SGCD: variants seen among roughly 807,000 people sequenced by gnomAD.
SGCD encodes delta-sarcoglycan.
Under a neutral mutation model 36.6 loss-of-function variants are expected in SGCD, and 18 were observed. That is an observed-to-expected ratio of 0.49 (90% CI 0.34 to 0.73). The LOEUF (loss-of-function observed/expected upper bound fraction) is 0.73, where lower values mean the gene tolerates loss of function less well. SGCD is among the 30% of genes least tolerant of loss of function. The pLI is 0.01. For synonymous variants in SGCD, 133 were observed against 130.6 expected (o/e 1.02, Z -0.12); for missense variants, 387 against 346.7 (o/e 1.12, Z -0.92).
At chr5:156,330,336 G>A (rs1457109540) in intron 2 of SGCD, among the ~76,000 whole-genome samples, 2 of 152,152 alleles carry the variant, frequency 1.3e-5, no homozygotes, top group Non-Finnish European at 2.9e-5. Context: ...GGTACTGGGG[G>A]CAGAAGTGGG....
At chr5:155,740,180 C>T in the SGCD span, among the ~76,000 whole-genome samples, 1 of 152,178 alleles carries the variant, frequency 6.6e-6, no homozygotes, top group Non-Finnish European at 1.5e-5. Context: ...CTCACTGCAA[C>T]CTCGACCTCC....
chr5:156,196,024 A>T (rs1764017919), intron 3 of SGCD, among the ~76,000 whole-genome samples: 1 of 152,082 alleles, frequency 6.6e-6, no homozygotes, highest in African/African-American at 2.4e-5. Context: ...GCATCATCCA[A>T]GGAGGGCCCC....
At chr5:156,410,639 C>T (rs956568799) in intron 3 of SGCD, among the ~76,000 whole-genome samples, 7 of 152,182 alleles carry the variant, frequency 4.6e-5, no homozygotes, top group African/African-American at 1.4e-4. Flanking sequence ...TAGATGGTAA[C>T]AGTTGGTATT....
At chr5:156,231,462 G>A (rs1447079697) in intron 3 of SGCD, among the ~76,000 whole-genome samples, 1 of 152,160 alleles carries the variant, frequency 6.6e-6, no homozygotes, top group Non-Finnish European at 1.5e-5. Flanking sequence ...CTTGATCCTG[G>A]AAGGCGGAGG....
At chr5:156,288,612 A>G (rs1319896189) in intron 3 of SGCD, among the ~76,000 whole-genome samples, 1 of 152,186 alleles carries the variant, frequency 6.6e-6, no homozygotes, top group African/African-American at 2.4e-5. Flanking sequence ...TCAGTGTGTT[A>G]GTGGTTTCAT....
At chr5:156,618,753 G>A (rs1398918599) in intron 6 of SGCD, among the ~76,000 whole-genome samples, 1 of 152,072 alleles carries the variant, frequency 6.6e-6, no homozygotes, top group Non-Finnish European at 1.5e-5. Context: ...GAAGGAAAAG[G>A]CATTTGTTGG....
At chr5:155,728,810 C>T in the SGCD span, among the ~76,000 whole-genome samples, 1 of 152,206 alleles carries the variant, frequency 6.6e-6, no homozygotes, top group Non-Finnish European at 1.5e-5. Flanking sequence ...GCGCCCCCAC[C>T]CGGGCGGCGC....
At chr5:155,802,058 G>C in the SGCD span, among the ~76,000 whole-genome samples, 139 of 152,268 alleles carry the variant, frequency 9.1e-4, no homozygotes, top group African/African-American at 3.2e-3. Flanking sequence ...ATAGCTGATA[G>C]GATCAAAAGT....
intron 3 of SGCD, among the ~76,000 whole-genome samples, chr5:156,436,233 G>C (rs1264016115): frequency 1.3e-5 from 2 of 152,102 alleles, no homozygotes; most frequent in Admixed American, 1.3e-4. Context: ...GGTGTAAAAT[G>C]GATTTTGGTC....
At position 155,941,249 on chromosome 5, in the gene SGCD, C is replaced by T. The variant is rs141242726; in HGVS notation, c.-282+70825C>T. Reference sequence around the variant, plus strand: ...CACAGCCCTCATAACCTAACCACATCTTATTATGCCTGATCTCCCACACTG... The same window carrying T: ...CACAGCCCTCATAACCTAACCACATTTTATTATGCCTGATCTCCCACACTG... On this transcript the variant is annotated intron_variant, in intron 1 of 9. Transcript: ENST00000517913. Among the ~76,000 whole-genome samples the T allele has an allele frequency of 3.9e-4, 60 of 152,310 alleles. 1 individual carries two copies. The East Asian group carries it at 0.011, about 28-fold the overall frequency.
intron 3 of SGCD, among the ~76,000 whole-genome samples, chr5:156,404,352 A>G (rs983686974): frequency 2.0e-5 from 3 of 152,332 alleles, no homozygotes; most frequent in South Asian, 2.1e-4. Flanking sequence ...TTAGAGAGAA[A>G]TGCAGATTCT....
intron 4 of SGCD, among the ~76,000 whole-genome samples, chr5:156,539,128 A>C (rs994016151): frequency 6.6e-6 from 1 of 152,040 alleles, no homozygotes; most frequent in African/African-American, 2.4e-5. Flanking sequence ...AGGTTCGTGT[A>C]TTGAGTGGTC....
intron 1 of SGCD, among the ~76,000 whole-genome samples, chr5:155,876,904 A>T (rs75133132): frequency 6.6e-6 from 1 of 152,260 alleles, no homozygotes; most frequent in Non-Finnish European, 1.5e-5. Flanking sequence ...AAATATACTA[A>T]TTAGAAAGGC....
the SGCD span, among the ~76,000 whole-genome samples, chr5:155,804,044 G>A: frequency 0.014 from 2,146 of 152,268 alleles, 57 homozygotes; most frequent in African/African-American, 0.047. Flanking sequence ...CATCTTTGGC[G>A]GAGATACTAT....
At chr5:156,639,346 C>T (rs767698710) in intron 6 of SGCD, among the ~76,000 whole-genome samples, 4 of 152,120 alleles carry the variant, frequency 2.6e-5, no homozygotes, top group Non-Finnish European at 4.4e-5. Flanking sequence ...AACTTTAACA[C>T]TCTGTTTTCA....
At chr5:156,641,766 C>T (rs967652144) in intron 6 of SGCD, among the ~76,000 whole-genome samples, 11 of 152,188 alleles carry the variant, frequency 7.2e-5, no homozygotes, top group African/African-American at 2.2e-4. Context: ...GCTTGTCCAG[C>T]ACATCACCAG....
At chr5:156,346,020 A>G (rs555269916) in intron 3 of SGCD, among the ~76,000 whole-genome samples, 1 of 152,098 alleles carries the variant, frequency 6.6e-6, no homozygotes, top group South Asian at 2.1e-4. Context: ...TAATTTTTAC[A>G]TGTATTTCCC....
chr5:156,684,956 A>G (rs1343290420), intron 7 of SGCD, among the ~76,000 whole-genome samples: 1 of 152,176 alleles, frequency 6.6e-6, no homozygotes, highest in African/African-American at 2.4e-5. Context: ...GCTGCAGTGG[A>G]TATCATCTGC....
the SGCD span, among the ~76,000 whole-genome samples, chr5:155,787,830 C>T: frequency 6.6e-6 from 1 of 152,130 alleles, no homozygotes. Flanking sequence ...CTTAGATTTG[C>T]ACAGTAAGCT....
Sources: allele counts gnomAD v4.1 joint callset (sites outside exome capture counted in the v4.1 genomes callset), GRCh38; gene constraint gnomAD v4.1.1; transcripts MANE v1.5; gene names NCBI Gene and HGNC (gene_info 2026-07-23, HGNC 2026-07-21).